The following WBP2 variants were observed in gnomAD, a reference collection of about 807,000 sequenced individuals.
The protein encoded by WBP2 is WW domain-binding protein 2.
A neutral mutation model predicts 33.0 loss-of-function variants in WBP2; 23 were observed. The observed-to-expected ratio is 0.70, with a 90% CI of 0.50 to 0.99. The LOEUF (loss-of-function observed/expected upper bound fraction) is 0.99. WBP2 is among the 50% of genes least tolerant of loss of function. WBP2 has a pLI of 0.00. For missense variants in WBP2, 353 were observed against 358.0 expected, an observed-to-expected ratio of 0.99 and a Z score of 0.11; for synonymous variants, 153 against 133.5, an observed-to-expected ratio of 1.15 and a Z score of -1.01.
At chr17:75,853,325 C>T (rs1383074016) in intron 1 of WBP2, among the ~76,000 whole-genome samples, 1 of 152,166 alleles carries the variant, frequency 6.6e-6, no homozygotes, top group Non-Finnish European at 1.5e-5. Flanking sequence ...GGATTACAGG[C>T]GTGAGCCACC....
rs1754547790 is a variant in WBP2, at chr17:75,846,802, A to G, written c.733-15T>C. The stretch of plus-strand genomic sequence containing the variant: ...GGCGGCTGGCTCTAAAGAAGGGAGA[A>G]AGGAGAGACTTGCATTAGAAGGTTT... On this transcript the variant is annotated splice_polypyrimidine_tract_variant and intron_variant, in intron 7 of 7. Transcript: ENST00000254806. This position sits in a 1 kb window ranked among gnomAD's most constrained non-coding sequence, Gnocchi z 4.8. 1 of 1,580,482 alleles carries G rather than the reference A, an allele frequency of 6.3e-7. No individual in the cohort carries two copies. The highest frequency in any genetic ancestry group is 8.6e-7 in the Non-Finnish European group (1 of 1,161,620).
In WBP2 at chr17:75,852,761, T is replaced by G. The variant is rs1294675312; in HGVS notation, c.60-1085A>C. The G allele has an allele frequency of 3.0e-6, 3 of 984,920 alleles. No homozygotes were observed. In the East Asian group the frequency reaches 3.4e-4, roughly 112 times the overall value. The allele number at this position is 984,920 out of a possible 1,614,324, so 61.0% of individuals were successfully genotyped here. ...TGAGCCACTGCGCCCGGCCAACTCT[T>G]CTATTTTCTTTTAAGTCCTTGTGAT... On this transcript the variant is annotated intron_variant, in intron 1 of 7. Coordinates refer to ENST00000254806, the MANE Select transcript of WBP2 (RefSeq NM_012478.4).
At chr17:75,848,449 C>T in intron 4 of WBP2, 121 bp downstream of exon 4, 1 of 905,912 alleles carries the variant, frequency 1.1e-6, no homozygotes, top group Non-Finnish European at 1.7e-6. Flanking sequence ...CCTGGTCAGC[C>T]TGGTGCCCAA....
chr17:75,847,307 G>T (rs1023403974), intron 6 of WBP2, 180 bp downstream of exon 6: 14 of 1,030,590 alleles, frequency 1.4e-5, no homozygotes, highest in Non-Finnish European at 4.3e-6. Flanking sequence ...AGGGATGGGG[G>T]TGGGGCCAGA....
Position 75,846,374 on chromosome 17 carries a change from A to G in WBP2, c.*360T>C. The G allele has an allele frequency of 2.9e-6, 1 of 344,342 alleles. No homozygotes were observed. Among genetic ancestry groups the G allele is most frequent in the Non-Finnish European group, 5.5e-6 (1 of 181,050 alleles). 21.3% of individuals were successfully genotyped at this position (344,342 alleles called of 1,614,324 possible). On this transcript the variant is annotated 3_prime_UTR_variant, in exon 8 of 8. Coordinates refer to ENST00000254806, the MANE Select transcript of WBP2 (RefSeq NM_012478.4). The surrounding 1 kb of genome is among the most constrained non-coding windows in gnomAD (Gnocchi z 4.8). The stretch of plus-strand genomic sequence containing the variant: ...AGTGGCTCATGAGGCTGAGTGTAGC[A>G]GTGGGTGCCAGACTGAGGGAGCTGG...
intron 6 of WBP2, 150 bp from the exon 7 acceptor site, chr17:75,847,134 G>T: frequency 1.2e-6 from 1 of 827,572 alleles, no homozygotes. Flanking sequence ...CTGAGCACAT[G>T]CCACGCGCTG....
rs2065051933 is a variant in WBP2 at position 75,855,299 on chromosome 17, GTC to G, written c.-4_-3del. The G allele has an allele frequency of 1.2e-6, 2 of 1,612,038 alleles. No homozygotes were observed. Among genetic ancestry groups the G allele is most frequent in the African/African-American group, 1.3e-5 (1 of 74,742 alleles). ...CGAGTGATTCTTGTTGAGCGCCATA[GTC>G]TCTCCAACAGGGGTCCCGAGACTCA... is the stretch of plus-strand genomic sequence containing the variant. On this transcript the variant is annotated 5_prime_UTR_variant, in exon 1 of 8. Transcript: ENST00000254806.
At chr17:75,848,010 G>A (rs1408921912) in intron 4 of WBP2, 80 bp from the exon 5 acceptor site, 21 of 1,521,588 alleles carry the variant, frequency 1.4e-5, no homozygotes, top group Non-Finnish European at 1.9e-5. Flanking sequence ...CTGCAGATGG[G>A]AGCTACTGGG....
chr17:75,846,506 G>A lies in WBP2; in HGVS notation c.*228C>T. 2 of 595,990 alleles carry A rather than the reference G, an allele frequency of 3.4e-6. No individual in the cohort carries two copies. Among genetic ancestry groups the A allele is most frequent in the Non-Finnish European group, 3.0e-6 (1 of 334,806 alleles). The allele number at this position is 595,990 out of a possible 1,614,324, so 36.9% of individuals were successfully genotyped here. ...CCCAGAAGAGCCCCAGACGGTGAGG[G>A]AGGTACGCTGGGCAGCACTGTGGGC... On this transcript the variant is annotated 3_prime_UTR_variant, in exon 8 of 8. Coordinates refer to ENST00000254806, the MANE Select transcript of WBP2 (RefSeq NM_012478.4). This position sits in a 1 kb window ranked among gnomAD's most constrained non-coding sequence, Gnocchi z 4.8.
intron 6 of WBP2, 103 bp downstream of exon 6, chr17:75,847,384 A>T (rs1219901029): frequency 6.6e-7 from 1 of 1,521,180 alleles, no homozygotes; most frequent in African/African-American, 1.4e-5. Flanking sequence ...GTCATCCATC[A>T]TCTGCGGCTC....
intron 1 of WBP2, among the ~76,000 whole-genome samples, chr17:75,853,825 C>G (rs1403674293): frequency 6.6e-6 from 1 of 152,048 alleles, no homozygotes; most frequent in Admixed American, 6.6e-5. Context: ...GAGGGTGGAT[C>G]ACGAGGTCAG....
intron 1 of WBP2, 23 bp downstream of exon 1, chr17:75,855,216 G>A: frequency 1.1e-5 from 15 of 1,400,030 alleles, no homozygotes; most frequent in Non-Finnish European, 1.4e-5. Context: ...TGGTCCTCCA[G>A]GATCCTTCCG....
intron 3 of WBP2, chr17:75,849,306 C>T (rs745820117): frequency 3.2e-6 from 1 of 317,006 alleles, no homozygotes; most frequent in Non-Finnish European, 5.9e-6. Flanking sequence ...CCTGATGCAG[C>T]TCCTTCCTGA....
rs2065004802 is a variant in WBP2 at position 75,847,896 on chromosome 17, G to C, written c.432C>G (p.Gly144=). The change falls in exon 5 of 8, where the codon GGC becomes GGG. Residue 144 remains glycine, a synonymous_variant. Coordinates refer to ENST00000254806, the MANE Select transcript of WBP2 (RefSeq NM_012478.4). ...SRGEVPSGAY[G]YSYMPSGAYV... is the part of the protein sequence containing the mutation. ...AGGCCCCGCTGGGCATGTAAGAGTA[G>C]CCATAGGCTCCACTGGGGACTTCAC... The C allele has an allele frequency of 6.4e-7, 1 of 1,560,596 alleles. No individual in the cohort carries two copies. The highest frequency in any genetic ancestry group is 1.9e-5 in the Admixed American group (1 of 52,022).
intron 1 of WBP2, among the ~76,000 whole-genome samples, chr17:75,853,309 G>A (rs2065038397): frequency 6.6e-6 from 1 of 152,166 alleles, no homozygotes; most frequent in African/African-American, 2.4e-5. Flanking sequence ...GCCTCCCAAA[G>A]TGCTGGGATT....
At chr17:75,854,043 TAAA>T (rs55857053) in intron 1 of WBP2, among the ~76,000 whole-genome samples, 2,099 of 55,198 alleles carry the variant, frequency 0.038, 57 homozygotes, top group African/African-American at 0.12. Context: ...AGCCTCCATC[TAAA>T]AAAAAAAAAA....
intron 2 of WBP2, among the ~76,000 whole-genome samples, chr17:75,850,981 T>A (rs2065024333): frequency 6.6e-6 from 1 of 152,254 alleles, no homozygotes; most frequent in Non-Finnish European, 1.5e-5. Context: ...GGCATGAGCC[T>A]CCGCACCAGC....
chr17:75,847,978 G>C, intron 4 of WBP2, 48 bp from the exon 5 acceptor site: 2 of 1,553,498 alleles, frequency 1.3e-6, no homozygotes, highest in Non-Finnish European at 1.7e-6. Flanking sequence ...GCCTTGGGGC[G>C]GGGAGAGGGC....
intron 2 of WBP2, among the ~76,000 whole-genome samples, 185 bp from the exon 3 acceptor site, chr17:75,849,924 A>G (rs1256060010): frequency 2.0e-5 from 3 of 152,246 alleles, no homozygotes; most frequent in African/African-American, 7.2e-5. Flanking sequence ...CGCAGCCTGG[A>G]GAGGCCAAGC....
Sources: allele counts gnomAD v4.1 joint callset (sites outside exome capture counted in the v4.1 genomes callset), GRCh38; gene constraint gnomAD v4.1.1; non-coding constraint Gnocchi (gnomAD v3.1); transcripts MANE v1.5; gene names NCBI Gene and HGNC (gene_info 2026-07-23, HGNC 2026-07-21).